PRSS55: variants seen among roughly 807,000 people sequenced by gnomAD.
PRSS55 encodes the protein serine protease 55, also known as probable serine protease UNQ9391/PRO34284.
A neutral mutation model predicts 23.6 loss-of-function variants in PRSS55; 41 were observed. The ratio of observed to expected loss-of-function variants is 1.74; its 90% CI spans 1.35 to 2.26. PRSS55 has a LOEUF of 2.26. Among genes scored for constraint, PRSS55 ranks in the 30% most tolerant of loss-of-function variants. The pLI is 0.00. For missense variants in PRSS55, 669 were observed against 439.1 expected (o/e 1.52, Z -4.68); for synonymous variants, 262 against 175.5 (o/e 1.49, Z -3.90).
At chr8:10,531,631 G>C (rs1310374714) in intron 3 of PRSS55, 86 bp downstream of exon 3, 14 of 1,547,708 alleles carry the variant, frequency 9.0e-6, no homozygotes, top group Non-Finnish European at 1.0e-5. Context: ...GTGAGGACAA[G>C]ACTTGCATTG....
At chr8:10,543,431 C>CT (rs1563547223), downstream of PRSS55, among the ~76,000 whole-genome samples, 1,014 of 18,696 alleles carry the variant, frequency 0.054, 31 homozygotes, top group African/African-American at 0.085. Context: ...TTTCTTCCTT[C>CT]CTTCCTTCCT....
At chr8:10,547,808 G>A (rs188064835) in intron 4 of PRSS55, among the ~76,000 whole-genome samples, 4 of 142,666 alleles carry the variant, frequency 2.8e-5, no homozygotes, top group Non-Finnish European at 6.0e-5. Flanking sequence ...AACATTTGCC[G>A]AGAGTCTTTT....
chr8:10,533,814 A>G (rs528194174), intron 4 of PRSS55, among the ~76,000 whole-genome samples: 1 of 152,304 alleles, frequency 6.6e-6, no homozygotes, highest in South Asian at 2.1e-4. Context: ...AAGATGATAA[A>G]TATTCTGAAC....
chr8:10,542,047 G>A (rs1463950407), downstream of PRSS55, among the ~76,000 whole-genome samples: 2 of 152,184 alleles, frequency 1.3e-5, no homozygotes, highest in Non-Finnish European at 2.9e-5. Flanking sequence ...AAAGTGCTGT[G>A]ATGACAGGCA....
rs770204100 is a variant in PRSS55, at chr8:10,538,578, C to G, written c.844C>G (p.Pro282Ala). 2 of 1,613,982 alleles carry G rather than the reference C, an allele frequency of 1.2e-6. No individual in the cohort carries two copies. The highest frequency in any genetic ancestry group is 1.7e-6 in the Non-Finnish European group (2 of 1,179,994). The change falls in exon 5 of 5, where the codon CCA becomes GCA. Residue 282 changes from proline (P) to alanine (A), a missense_variant. Pro to Ala is a conservative substitution (Grantham distance 27, BLOSUM62 -1). Coordinates refer to ENST00000328655, the MANE Select transcript of PRSS55 (RefSeq NM_198464.4). Reference sequence around the variant, plus strand: ...AAAGAGCTGTGGAGAGAAGAACACCCCAGGGATATACACCTCGTTGGTGAA... The same window carrying G: ...AAAGAGCTGTGGAGAGAAGAACACCGCAGGGATATACACCTCGTTGGTGAA... ...WGKSCGEKNT[P>A]GIYTSLVNYN... is the part of the protein sequence containing the mutation.
In PRSS55 at chr8:10,531,422, TTGC is replaced by T. The variant is rs747788051; in HGVS notation, c.484_486del (p.Leu162del). The T allele has an allele frequency of 3.7e-6, 6 of 1,614,238 alleles. No individual in the cohort carries two copies. The highest frequency in any genetic ancestry group is 5.1e-6 in the Non-Finnish European group (6 of 1,180,056). ...AGCCAACATGGACAATGACATTGCC[TTGC>T]TGCTGCTGGCTTCGCCCATCAAGCT... On this transcript the variant is annotated inframe_deletion, in exon 3 of 5. Transcript: ENST00000328655.
intron 4 of PRSS55, among the ~76,000 whole-genome samples, chr8:10,548,277 G>A (rs550073388): frequency 1.6e-4 from 24 of 152,282 alleles, no homozygotes; most frequent in Non-Finnish European, 3.1e-4. Flanking sequence ...CAGGCACGAG[G>A]GCTTCAGTGT....
chr8:10,530,404 GGC>G (rs1563536668), intron 2 of PRSS55, among the ~76,000 whole-genome samples: 1 of 152,218 alleles, frequency 6.6e-6, no homozygotes, highest in Non-Finnish European at 1.5e-5. Context: ...GAACCCAGGA[GGC>G]AGATGTTGCA....
exon 5 of PRSS55, chr8:10,554,092 T>A: frequency 9.2e-7 from 1 of 1,081,992 alleles, no homozygotes; most frequent in Non-Finnish European, 1.3e-6. Context: ...CCCTTGGGCA[T>A]AGCCTTGAGT....
intron 2 of PRSS55, among the ~76,000 whole-genome samples, chr8:10,530,540 T>C (rs1442685980): frequency 6.6e-6 from 1 of 152,042 alleles, no homozygotes; most frequent in South Asian, 2.1e-4. Context: ...CTGAAGCAGG[T>C]AGAATGAATA....
At chr8:10,526,930 C>T (rs964542512) in intron 1 of PRSS55, among the ~76,000 whole-genome samples, 1 of 152,202 alleles carries the variant, frequency 6.6e-6, no homozygotes. Context: ...AGCCTGGATT[C>T]AAGCTTGGGC....
downstream of PRSS55, among the ~76,000 whole-genome samples, chr8:10,542,445 A>G (rs74822004): frequency 0.037 from 5,585 of 151,574 alleles, 136 homozygotes; most frequent in Non-Finnish European, 0.056. Context: ...AGCTAAGACA[A>G]TAAGGGAAAG....
At chr8:10,552,145 C>A (rs558305390) in intron 4 of PRSS55, among the ~76,000 whole-genome samples, 16 of 152,310 alleles carry the variant, frequency 1.1e-4, no homozygotes, top group Admixed American at 5.9e-4. Flanking sequence ...TTATGAGGAA[C>A]CTCCTCATCT....
intron 3 of PRSS55, among the ~76,000 whole-genome samples, chr8:10,532,596 C>A (rs1048485771): frequency 6.6e-6 from 1 of 152,210 alleles, no homozygotes; most frequent in Middle Eastern, 3.2e-3. Flanking sequence ...CAGGATTATG[C>A]TGAGAAACAG....
At chr8:10,536,210 C>A (rs986934366) in intron 4 of PRSS55, among the ~76,000 whole-genome samples, 12 of 151,874 alleles carry the variant, frequency 7.9e-5, no homozygotes, top group African/African-American at 2.7e-4. Flanking sequence ...CATGAACAGA[C>A]ACTTCTCAAA....
intron 4 of PRSS55, among the ~76,000 whole-genome samples, chr8:10,547,239 G>A (rs532562769): frequency 2.0e-5 from 3 of 152,274 alleles, no homozygotes; most frequent in African/African-American, 7.2e-5. Flanking sequence ...GAGCGTAGTG[G>A]TCCAGGCGTG....
At position 10,527,366 on chromosome 8, in the gene PRSS55, A is replaced by G. The variant is rs117366285; in HGVS notation, c.154+1627A>G. Among the ~76,000 whole-genome samples, 1,040 of 152,322 alleles carry G rather than the reference A, an allele frequency of 6.8e-3. 7 individuals carry two copies. The highest frequency in any genetic ancestry group is 0.01 in the Non-Finnish European group (702 of 68,008). ...CAGACACCCGGAGTGGAGTCATTCA[A>G]TCAGGGAATCAGCCCACAAGCATGT... is the stretch of plus-strand genomic sequence containing the variant. On this transcript the variant is annotated intron_variant, in intron 1 of 4. Coordinates refer to ENST00000328655, the MANE Select transcript of PRSS55 (RefSeq NM_198464.4).
At chr8:10,529,866 A>T (rs1330875856) in intron 2 of PRSS55, among the ~76,000 whole-genome samples, 167 bp downstream of exon 2, 1 of 152,124 alleles carries the variant, frequency 6.6e-6, no homozygotes, top group African/African-American at 2.4e-5. Flanking sequence ...GGGGACGTGG[A>T]GGTAGCCAGC....
intron 4 of PRSS55, among the ~76,000 whole-genome samples, chr8:10,547,251 G>C (rs374130466): frequency 0.038 from 5,800 of 152,228 alleles, 176 homozygotes; most frequent in Middle Eastern, 0.075. Context: ...CCAGGCGTGC[G>C]CCAGCCGGTG....
Sources: gnomAD v4.1 joint callset for allele counts (sites outside exome capture counted in the v4.1 genomes callset) on GRCh38, gnomAD v4.1.1 for gene constraint, MANE v1.5 for transcripts, NCBI Gene and HGNC (gene_info 2026-07-23, HGNC 2026-07-21) for gene names.